Variants in COL22A1 observed in about 807,000 individuals in gnomAD.
COL22A1 encodes collagen type XXII alpha 1 chain.
In COL22A1, 221 loss-of-function variants were observed where a neutral mutation model predicts 248.9. That is an observed-to-expected ratio of 0.89 (90% CI 0.80 to 0.99). The LOEUF is 0.99. Ranked by LOEUF, COL22A1 falls within the 50% of genes least tolerant of loss-of-function variation. The probability of loss-of-function intolerance (pLI) is 0.00; values close to 1 mark genes in which losing one functional copy is unlikely to be tolerated. For missense variants in COL22A1, 2,240 were observed against 2,179.0 expected, an observed-to-expected ratio of 1.03 and a Z score of -0.56; for synonymous variants, 891 against 793.4, an observed-to-expected ratio of 1.12 and a Z score of -2.07.
intron 49 of COL22A1, among the ~76,000 whole-genome samples, chr8:138,633,392 C>A (rs1288946590): frequency 6.6e-6 from 1 of 152,196 alleles, no homozygotes; most frequent in Non-Finnish European, 1.5e-5. Context: ...AGCCAGGAGT[C>A]ATTTCCTACA....
At chr8:138,888,366 A>G (rs1824819433) in intron 1 of COL22A1, among the ~76,000 whole-genome samples, 1 of 152,184 alleles carries the variant, frequency 6.6e-6, no homozygotes, top group East Asian at 1.9e-4. Flanking sequence ...GCTTCCTTCC[A>G]AGGTGAGTTT....
chr8:138,844,111 T>G lies in COL22A1; in HGVS notation c.706A>C (p.Thr236Pro). 1 of 1,614,178 alleles carries G rather than the reference T, an allele frequency of 6.2e-7. No homozygotes were observed. The highest frequency in any genetic ancestry group is 2.2e-5 in the East Asian group (1 of 44,878). ...GTGATTTCCTTGGTTCCTCCATTGG[T>G]GTGCTTAAAGCGATCTCCTTCTACA... ...VRVEGDRFKH[T>P]NGGTKEITGF... is the part of the protein sequence containing the mutation. Residue 236 changes from threonine to proline, a missense_variant, in exon 4 of 65, where the codon ACC becomes CCC. Physicochemically the swap from Thr to Pro is conservative, Grantham distance 38 (BLOSUM62 -1). Transcript: ENST00000303045.
chr8:138,685,243 G>A lies in COL22A1; in HGVS notation c.2932C>T (p.Pro978Ser). 6.2e-7 allele frequency: 1 copy of A among 1,613,724 alleles called. No homozygotes were observed. The change falls in exon 38 of 65, where the codon CCT (proline) becomes TCT (serine). Residue 978 changes from proline to serine, a missense_variant. Coordinates refer to ENST00000303045, the MANE Select transcript of COL22A1 (RefSeq NM_152888.3). ...TCCTTCCCTTTTCCGGGTGGCCCAGGGAGCCCAGGAGCACCAGGATCTCCC... is the reference window on the plus strand; with the variant it reads ...TCCTTCCCTTTTCCGGGTGGCCCAGAGAGCCCAGGAGCACCAGGATCTCCC... ...PRGDPGAPGL[P>S]GPPGKGKDGE... is the part of the protein sequence containing the mutation.
intron 22 of COL22A1, among the ~76,000 whole-genome samples, chr8:138,744,653 G>A (rs1831962846): frequency 6.6e-6 from 1 of 152,166 alleles, no homozygotes; most frequent in Non-Finnish European, 1.5e-5. Flanking sequence ...CTAATTAGTA[G>A]AATGGGATTA....
At chr8:138,633,599 CA>C (rs1337941285) in intron 49 of COL22A1, among the ~76,000 whole-genome samples, 10 of 152,310 alleles carry the variant, frequency 6.6e-5, no homozygotes, top group African/African-American at 2.4e-4. Context: ...TCATAATATA[CA>C]ATTATTCGTG....
In COL22A1 at chr8:138,742,955, G is replaced by C. The variant is rs747939793; in HGVS notation, c.2086-5378C>G. On this transcript the variant is annotated intron_variant, in intron 22 of 64. Coordinates refer to ENST00000303045, the MANE Select transcript of COL22A1 (RefSeq NM_152888.3). ...GGAGTTGATGGTGATGGTGATGGTA[G>C]AGTTGATGATGATGGTAGTAGTGAT... is the stretch of plus-strand genomic sequence containing the variant. 3.7e-4 allele frequency among the ~76,000 whole-genome samples: 56 copies of C among 150,748 alleles called. 1 individual carries two copies. Among genetic ancestry groups the C allele is most frequent in the Non-Finnish European group, 5.9e-4 (40 of 67,698 alleles).
At chr8:138,626,419 T>C (rs1820242891) in intron 50 of COL22A1, among the ~76,000 whole-genome samples, 176 bp from the exon 51 acceptor site, 1 of 152,154 alleles carries the variant, frequency 6.6e-6, no homozygotes, top group South Asian at 2.1e-4. Flanking sequence ...GGCAGTGAGG[T>C]TCCCTGGGGC....
At chr8:138,715,639 CTA>C (rs773061146) in intron 30 of COL22A1, 41 bp downstream of exon 30, 1 of 1,290,892 alleles carries the variant, frequency 7.7e-7, no homozygotes, top group South Asian at 1.3e-5. Context: ...AAAAACCCAA[CTA>C]ATAATAATTG....
intron 3 of COL22A1, among the ~76,000 whole-genome samples, chr8:138,866,873 G>A (rs1481520943): frequency 6.6e-6 from 1 of 152,168 alleles, no homozygotes; most frequent in African/African-American, 2.4e-5. Context: ...CGCTGGTCAT[G>A]CATTTTGACC....
At chr8:138,819,403 G>A (rs1402893535) in intron 7 of COL22A1, among the ~76,000 whole-genome samples, 1 of 151,846 alleles carries the variant, frequency 6.6e-6, no homozygotes, top group Non-Finnish European at 1.5e-5. Flanking sequence ...GGGGACGTGG[G>A]AACCATCAGT....
chr8:138,660,875 GACACACACATACACAGACACACAA>G (rs1366108606), intron 43 of COL22A1, among the ~76,000 whole-genome samples: 177 of 50,954 alleles, frequency 3.5e-3, no homozygotes, highest in African/African-American at 0.011. Flanking sequence ...CAAACACACA[GACACACACATACACAGACACACAA>G]ACACACACAT....
chr8:138,692,375 CAT>C (rs1206429355), intron 35 of COL22A1, among the ~76,000 whole-genome samples: 3 of 122,322 alleles, frequency 2.5e-5, no homozygotes, highest in African/African-American at 9.6e-5. Context: ...TGTTTGTGGA[CAT>C]GTGTATTGTG....
At chr8:138,604,408 T>C (rs1236336763) in intron 59 of COL22A1, among the ~76,000 whole-genome samples, 1 of 152,200 alleles carries the variant, frequency 6.6e-6, no homozygotes, top group African/African-American at 2.4e-5. Flanking sequence ...AGAGTCCCAG[T>C]GGCAGAGACA....
intron 50 of COL22A1, among the ~76,000 whole-genome samples, chr8:138,629,384 C>T (rs1430953901): frequency 2.6e-5 from 4 of 151,678 alleles, no homozygotes; most frequent in African/African-American, 7.3e-5. Context: ...AAACTCCTGA[C>T]CTCAGGTGAT....
intron 16 of COL22A1, among the ~76,000 whole-genome samples, chr8:138,775,501 C>T (rs1473549090): frequency 6.6e-6 from 1 of 152,218 alleles, no homozygotes. Flanking sequence ...CGTTTGGTGA[C>T]TGTGGCTCAA....
intron 5 of COL22A1, among the ~76,000 whole-genome samples, chr8:138,831,430 T>C (rs1485818076): frequency 6.6e-6 from 1 of 152,160 alleles, no homozygotes; most frequent in East Asian, 1.9e-4. Context: ...GCAGGGGAGA[T>C]AAGACTATTG....
chr8:138,629,724 C>T (rs1392747486), intron 50 of COL22A1, among the ~76,000 whole-genome samples: 1 of 152,186 alleles, frequency 6.6e-6, no homozygotes, highest in Non-Finnish European at 1.5e-5. Context: ...GTGACATAAC[C>T]CCATGGGACT....
rs190674514 is a variant in COL22A1, at chr8:138,688,989, C to T, written c.2809-19G>A. Reference sequence around the variant, plus strand: ...GAGCACCCTGTGGCAAGGAAGATTACGGACATGGTGAATTTAAAGATGACT... The same window carrying T: ...GAGCACCCTGTGGCAAGGAAGATTATGGACATGGTGAATTTAAAGATGACT... On this transcript the variant is annotated intron_variant, in intron 36 of 64. Coordinates refer to ENST00000303045, the MANE Select transcript of COL22A1 (RefSeq NM_152888.3). 1.4e-4 allele frequency: 225 copies of T among 1,605,984 alleles called. No individual in the cohort carries two copies. Among genetic ancestry groups the T allele is most frequent in the African/African-American group, 1.3e-3 (101 of 74,866 alleles).
chr8:138,816,678 G>A (rs1288410100), intron 7 of COL22A1, among the ~76,000 whole-genome samples: 1 of 152,190 alleles, frequency 6.6e-6, no homozygotes, highest in African/African-American at 2.4e-5. Flanking sequence ...GGACTCACAG[G>A]GCTGTGGTGG....
Sources: gnomAD v4.1 joint callset for allele counts (sites outside exome capture counted in the v4.1 genomes callset) on GRCh38, gnomAD v4.1.1 for gene constraint, MANE v1.5 for transcripts, NCBI Gene and HGNC (gene_info 2026-07-23, HGNC 2026-07-21) for gene names.